The following PDE3A variants were observed in gnomAD, a reference collection of about 807,000 sequenced individuals.
The protein encoded by PDE3A is cGMP-inhibited 3',5'-cyclic phosphodiesterase 3A.
Under a neutral mutation model 98.3 loss-of-function variants are expected in PDE3A, and 43 were observed. That is an observed-to-expected ratio of 0.44 (90% CI 0.34 to 0.56). The LOEUF (loss-of-function observed/expected upper bound fraction) is 0.56, where lower values mean the gene tolerates loss of function less well. Among genes scored for constraint, PDE3A ranks in the 20% least tolerant of loss-of-function variants. The pLI is 0.01. For missense variants in PDE3A, 1,427 were observed against 1,440.7 expected (o/e 0.99, Z 0.15); for synonymous variants, 663 against 567.9 (o/e 1.17, Z -2.38).
In PDE3A at chr12:20,368,599, T is replaced by C. The variant is rs1435180754; in HGVS notation, c.-686T>C. ...TAGCAACTTCTTATTTCTCAGCCCC[T>C]TGTCCATTTTTTTTTTTCCATCCTT... On this transcript the variant is annotated 5_prime_UTR_variant, in exon 1 of 16. Transcript: ENST00000359062. Among the ~76,000 whole-genome samples, 1 of 151,504 alleles carries C rather than the reference T, an allele frequency of 6.6e-6. No homozygotes were observed. The highest frequency in any genetic ancestry group is 2.4e-5 in the African/African-American group (1 of 41,254).
chr12:20,444,446 TATTA>T (rs1944920691), intron 1 of PDE3A, among the ~76,000 whole-genome samples: 1 of 152,230 alleles, frequency 6.6e-6, no homozygotes, highest in African/African-American at 2.4e-5. Flanking sequence ...GAATTGGTTG[TATTA>T]ATTTGTATCA....
intron 1 of PDE3A, among the ~76,000 whole-genome samples, chr12:20,382,314 A>G (rs1943677258): frequency 6.6e-6 from 1 of 152,022 alleles, no homozygotes; most frequent in African/African-American, 2.4e-5. Context: ...TTGCAATCCA[A>G]TTCAACAAAC....
chr12:20,650,372 T>C (rs1944888353), intron 13 of PDE3A, 73 bp from the exon 14 acceptor site: 2 of 929,814 alleles, frequency 2.2e-6, no homozygotes, highest in South Asian at 1.7e-5. Context: ...ATAAATGTTC[T>C]ATTGTTTTTC....
intron 8 of PDE3A, among the ~76,000 whole-genome samples, chr12:20,636,171 C>A (rs1266090292): frequency 2.0e-5 from 3 of 152,092 alleles, no homozygotes. Context: ...TTGGCACTAG[C>A]CACCTATTAA....
At chr12:20,666,195 C>A (rs1218146574) in intron 15 of PDE3A, among the ~76,000 whole-genome samples, 2 of 151,972 alleles carry the variant, frequency 1.3e-5, no homozygotes, top group African/African-American at 2.4e-5. Flanking sequence ...AAACTCCTGA[C>A]CTCAAGTGGT....
At chr12:20,409,283 T>G (rs1006098586) in intron 1 of PDE3A, among the ~76,000 whole-genome samples, 5 of 152,200 alleles carry the variant, frequency 3.3e-5, no homozygotes, top group African/African-American at 1.2e-4. Flanking sequence ...TTGAATAGGT[T>G]TTACTTTTTA....
rs558881919 is a variant in PDE3A, at chr12:20,551,620, C to A, written c.961-5040C>A. On this transcript the variant is annotated intron_variant, in intron 1 of 15. Transcript: ENST00000359062. ...GGGCCGGCAGGACCCCGACAAGCAG[C>A]TCATGTGCGATGAGTGCGACATGGC... is the stretch of plus-strand genomic sequence containing the variant. 2.0e-4 allele frequency: 309 copies of A among 1,574,022 alleles called. 1 individual carries two copies. In the East Asian group the frequency reaches 7.2e-3, roughly 37 times the overall value.
intron 1 of PDE3A, among the ~76,000 whole-genome samples, chr12:20,515,214 A>G (rs1276467852): frequency 6.6e-6 from 1 of 152,202 alleles, no homozygotes; most frequent in African/African-American, 2.4e-5. Flanking sequence ...ACTTTATTAG[A>G]AGTTGTTTTA....
At chr12:20,439,997 C>T (rs943903091) in intron 1 of PDE3A, among the ~76,000 whole-genome samples, 1 of 152,038 alleles carries the variant, frequency 6.6e-6, no homozygotes, top group Non-Finnish European at 1.5e-5. Context: ...TTTCAAAATC[C>T]ATAATTGTTT....
chr12:20,544,935 C>T (rs946476449), intron 1 of PDE3A, among the ~76,000 whole-genome samples: 2 of 151,992 alleles, frequency 1.3e-5, no homozygotes, highest in African/African-American at 4.8e-5. Context: ...TCCTTTAAAA[C>T]TTCCTCAAGC....
At chr12:20,492,962 A>G (rs977456953) in intron 1 of PDE3A, among the ~76,000 whole-genome samples, 1 of 152,162 alleles carries the variant, frequency 6.6e-6, no homozygotes, top group Admixed American at 6.5e-5. Flanking sequence ...TTTGCTAGCA[A>G]GGCACTGTGT....
At chr12:20,622,237 T>A (rs1477449622) in intron 5 of PDE3A, among the ~76,000 whole-genome samples, 2 of 152,086 alleles carry the variant, frequency 1.3e-5, no homozygotes, top group Non-Finnish European at 2.9e-5. Flanking sequence ...ACCAGCCTCA[T>A]GACATTGCTA....
intron 10 of PDE3A, among the ~76,000 whole-genome samples, chr12:20,646,110 G>A (rs1164944448): frequency 1.3e-5 from 2 of 152,168 alleles, no homozygotes; most frequent in Non-Finnish European, 2.9e-5. Context: ...GTTGAAGTAT[G>A]TCATAGCTAT....
rs561666013 is a variant in PDE3A at position 20,687,860 on chromosome 12, G to A, written c.*7589G>A. On this transcript the variant is annotated 3_prime_UTR_variant, in exon 16 of 16. Transcript: ENST00000359062. ...TTGATTTGCATTTTGGTATTAAAATGTGCTCTGATTTCTGCGGGCATTTGT... is the reference window on the plus strand; with the variant it reads ...TTGATTTGCATTTTGGTATTAAAATATGCTCTGATTTCTGCGGGCATTTGT... Among the ~76,000 whole-genome samples the A allele has an allele frequency of 1.5e-5, 2 of 137,704 alleles. No individual in the cohort carries two copies. The highest frequency in any genetic ancestry group is 4.5e-3 in the Middle Eastern group (1 of 224). The allele number at this position is 137,704 out of a possible 152,430, so 90.3% of individuals were successfully genotyped here. A position where few individuals can be genotyped will look rare whatever the true frequency, so the allele number is the denominator to read the frequency against.
intron 1 of PDE3A, among the ~76,000 whole-genome samples, chr12:20,467,381 CTT>C (rs891662887): frequency 6.6e-6 from 1 of 150,732 alleles, no homozygotes; most frequent in Non-Finnish European, 1.5e-5. Context: ...GTAGGAATGA[CTT>C]TCTATATTCC....
At position 20,639,968 on chromosome 12, in the gene PDE3A, G is replaced by A. The variant is rs1944608176; in HGVS notation, c.2251+11G>A. 3.6e-6 allele frequency: 4 copies of A among 1,125,876 alleles called. No individual in the cohort carries two copies. The East Asian group carries it at 9.4e-5, about 27-fold the overall frequency. 69.7% of individuals were successfully genotyped at this position (1,125,876 alleles called of 1,614,324 possible). On this transcript the variant is annotated intron_variant, in intron 10 of 15. Coordinates refer to ENST00000359062, the MANE Select transcript of PDE3A (RefSeq NM_000921.5). ...ATAGGGATATTCCTTGTAAGTATAT[G>A]TGATTTGTGAAATAATACTTTTAAA... is the stretch of plus-strand genomic sequence containing the variant.
At position 20,578,025 on chromosome 12, in the gene PDE3A, A is replaced by G. The variant is rs192627613; in HGVS notation, c.1011+21315A>G. ...GTGAGAATTCCACTCATTTCGTTAC[A>G]TGTTCCAGGGAGAAACTGGATAGGT... On this transcript the variant is annotated intron_variant, in intron 2 of 15. Transcript: ENST00000359062. 3.9e-5 allele frequency among the ~76,000 whole-genome samples: 6 copies of G among 152,246 alleles called. No individual in the cohort carries two copies. The East Asian group carries it at 7.8e-4, about 20-fold the overall frequency.
At chr12:20,572,489 C>T (rs1755595337) in intron 2 of PDE3A, among the ~76,000 whole-genome samples, 1 of 151,944 alleles carries the variant, frequency 6.6e-6, no homozygotes, top group African/African-American at 2.4e-5. Flanking sequence ...CAGATCTTTC[C>T]ATCTCAGTAA....
chr12:20,654,853 G>T (rs1365797742), intron 15 of PDE3A, among the ~76,000 whole-genome samples: 1 of 151,990 alleles, frequency 6.6e-6, no homozygotes, highest in African/African-American at 2.4e-5. Context: ...AAGAATTTCA[G>T]TTACCATAAA....
Sources: gnomAD v4.1 joint callset for allele counts (sites outside exome capture counted in the v4.1 genomes callset) on GRCh38, gnomAD v4.1.1 for gene constraint, MANE v1.5 for transcripts, NCBI Gene and HGNC (gene_info 2026-07-23, HGNC 2026-07-21) for gene names.